Variants in VAV3 observed in about 807,000 individuals in gnomAD.
The protein encoded by VAV3 is vav guanine nucleotide exchange factor 3.
VAV3 carries 94 observed loss-of-function variants against 131.2 expected under a neutral mutation model. The ratio of observed to expected loss-of-function variants is 0.72; its 90% confidence interval spans 0.61 to 0.85. VAV3 has a LOEUF of 0.85. Among genes scored for constraint, VAV3 ranks in the 40% least tolerant of loss-of-function variants. The probability of loss-of-function intolerance (pLI) is 0.00; values close to 1 mark genes in which losing one functional copy is unlikely to be tolerated. For synonymous variants in VAV3, 349 were observed against 342.0 expected (o/e 1.02, Z -0.22); for missense variants, 939 against 1,002.7 (o/e 0.94, Z 0.86).
chr1:107,774,908 A>G (rs1325528934), intron 4 of VAV3, among the ~76,000 whole-genome samples: 1 of 92,274 alleles, frequency 1.1e-5, no homozygotes, highest in African/African-American at 3.9e-5. Context: ...GGGATAATAC[A>G]TTTGCTTTTT....
At chr1:107,688,681 AC>A (rs899581887) in intron 17 of VAV3, among the ~76,000 whole-genome samples, 4 of 152,184 alleles carry the variant, frequency 2.6e-5, no homozygotes, top group African/African-American at 9.6e-5. Flanking sequence ...TGTCAGTCCT[AC>A]CACATAAAGC....
At chr1:107,926,718 A>T (rs1329272155) in intron 1 of VAV3, among the ~76,000 whole-genome samples, 3 of 152,178 alleles carry the variant, frequency 2.0e-5, no homozygotes, top group African/African-American at 7.2e-5. Flanking sequence ...GGCTGAACTC[A>T]GCTGAAGTCC....
intron 1 of VAV3, among the ~76,000 whole-genome samples, chr1:107,923,303 G>T (rs1218396321): frequency 2.0e-5 from 3 of 152,094 alleles, no homozygotes; most frequent in Non-Finnish European, 4.4e-5. Flanking sequence ...CACAGAATTT[G>T]CTATGGTTTG....
At chr1:107,663,943 T>G (rs1259988328) in intron 19 of VAV3, among the ~76,000 whole-genome samples, 1 of 151,836 alleles carries the variant, frequency 6.6e-6, no homozygotes, top group Non-Finnish European at 1.5e-5. Context: ...TCTTATGATA[T>G]GAAAAAAATT....
intron 20 of VAV3, among the ~76,000 whole-genome samples, chr1:107,621,805 A>G (rs1203001469): frequency 2.6e-5 from 4 of 152,108 alleles, no homozygotes; most frequent in African/African-American, 9.7e-5. Context: ...ACTTGAAAAC[A>G]TTCCTCTCTC....
chr1:107,861,373 T>TC (rs1432239642), intron 2 of VAV3, among the ~76,000 whole-genome samples: 1 of 151,596 alleles, frequency 6.6e-6, no homozygotes, highest in Non-Finnish European at 1.5e-5. Flanking sequence ...AATTGCTATC[T>TC]CCCCAAGAAA....
chr1:107,652,919 C>T (rs751220088), intron 19 of VAV3, among the ~76,000 whole-genome samples: 7 of 152,062 alleles, frequency 4.6e-5, no homozygotes, highest in Non-Finnish European at 8.8e-5. Flanking sequence ...AATTTATACT[C>T]ATCCTGAATA....
At chr1:107,753,489 T>TAGACACAC (rs1467694301) in intron 12 of VAV3, among the ~76,000 whole-genome samples, 1 of 144,488 alleles carries the variant, frequency 6.9e-6, no homozygotes. Context: ...TGTGTGTATA[T>TAGACACAC]ATATACACAC....
At chr1:107,735,614 G>A (rs1270082926) in intron 15 of VAV3, among the ~76,000 whole-genome samples, 1 of 134,486 alleles carries the variant, frequency 7.4e-6, no homozygotes, top group Non-Finnish European at 1.6e-5. Context: ...TAGAAGAAAT[G>A]GATAAATTCC....
At chr1:107,705,504 A>G (rs979006016) in intron 15 of VAV3, among the ~76,000 whole-genome samples, 13 of 152,330 alleles carry the variant, frequency 8.5e-5, no homozygotes, top group African/African-American at 2.9e-4. Flanking sequence ...AATGGTCCAT[A>G]ACAAGGAATA....
intron 21 of VAV3, among the ~76,000 whole-genome samples, chr1:107,614,473 T>C (rs1046821228): frequency 6.7e-6 from 1 of 150,194 alleles, no homozygotes; most frequent in African/African-American, 2.5e-5. Context: ...TAACTTGCCC[T>C]ATAATTAAAA....
At chr1:107,846,672 C>T (rs1668984743) in intron 2 of VAV3, among the ~76,000 whole-genome samples, 1 of 151,902 alleles carries the variant, frequency 6.6e-6, no homozygotes, top group Non-Finnish European at 1.5e-5. Flanking sequence ...TCAAAAAAGA[C>T]AAAAAAGGGC....
intron 25 of VAV3, among the ~76,000 whole-genome samples, chr1:107,575,030 T>TG (rs1193462733): frequency 5.5e-4 from 69 of 125,922 alleles, no homozygotes; most frequent in South Asian, 1.4e-3. Context: ...CGCGCGCGTG[T>TG]TTAATATTCG....
At chr1:107,943,904 G>A (rs1674120849) in intron 1 of VAV3, among the ~76,000 whole-genome samples, 1 of 152,132 alleles carries the variant, frequency 6.6e-6, no homozygotes, top group Admixed American at 6.5e-5. Flanking sequence ...AGTCCAAGCT[G>A]TGCCCACAAA....
chr1:107,964,531 G>T, intron 1 of VAV3, 135 bp downstream of exon 1: 1 of 958,658 alleles, frequency 1.0e-6, no homozygotes, highest in Non-Finnish European at 1.5e-6. Flanking sequence ...TGGTGCCGAA[G>T]TGGTCCCAAA....
At chr1:107,914,797 A>G (rs1672533147) in intron 1 of VAV3, among the ~76,000 whole-genome samples, 1 of 152,134 alleles carries the variant, frequency 6.6e-6, no homozygotes, top group Non-Finnish European at 1.5e-5. Context: ...ACTGTGGGAG[A>G]CAGAAAAGAA....
chr1:107,892,014 C>T (rs1671333442), intron 1 of VAV3, among the ~76,000 whole-genome samples: 1 of 151,994 alleles, frequency 6.6e-6, no homozygotes, highest in African/African-American at 2.4e-5. Flanking sequence ...GTGAAATTTG[C>T]ATGTCAAGCA....
chr1:107,924,012 G>A (rs1673036490), intron 1 of VAV3, among the ~76,000 whole-genome samples: 1 of 152,096 alleles, frequency 6.6e-6, no homozygotes, highest in East Asian at 1.9e-4. Flanking sequence ...CCAGCCTACA[G>A]TATTTTGTTA....
chr1:107,577,587 C>T (rs565304575), intron 25 of VAV3, among the ~76,000 whole-genome samples: 7 of 152,330 alleles, frequency 4.6e-5, no homozygotes, highest in African/African-American at 1.7e-4. Context: ...GCTTCTGGGA[C>T]CTTTCCTAAC....
Sources: gnomAD v4.1 joint callset for allele counts (sites outside exome capture counted in the v4.1 genomes callset) on GRCh38, gnomAD v4.1.1 for gene constraint, MANE v1.5 for transcripts, NCBI Gene and HGNC (gene_info 2026-07-23, HGNC 2026-07-21) for gene names.